The following ITCH variants were observed in gnomAD, a reference collection of about 807,000 sequenced individuals.
ITCH encodes itchy E3 ubiquitin protein ligase.
A neutral mutation model predicts 126.8 loss-of-function variants in ITCH; 28 were observed. The ratio of observed to expected loss-of-function variants is 0.22; its 90% CI spans 0.16 to 0.30. The LOEUF is 0.30. Among genes scored for constraint, ITCH ranks in the 10% least tolerant of loss-of-function variants. ITCH has a pLI of 1.00. For missense variants in ITCH, 631 were observed against 1,032.4 expected, an observed-to-expected ratio of 0.61 and a Z score of 5.33; for synonymous variants, 342 against 340.0, an observed-to-expected ratio of 1.01 and a Z score of -0.06.
intron 16 of ITCH, among the ~76,000 whole-genome samples, chr20:34,474,692 C>T (rs546491894): frequency 1.3e-5 from 2 of 152,320 alleles, no homozygotes; most frequent in Middle Eastern, 3.4e-3. Context: ...ACCTCCCAGA[C>T]GGGGTGGTGG....
At chr20:34,438,010 G>C (rs1239676813) in intron 7 of ITCH, among the ~76,000 whole-genome samples, 1 of 152,152 alleles carries the variant, frequency 6.6e-6, no homozygotes, top group Non-Finnish European at 1.5e-5. Context: ...CTAGTCCCTG[G>C]GAAATACGTG....
chr20:34,507,567 G>T, intron 24 of ITCH, 128 bp from the exon 25 acceptor site: 1 of 725,076 alleles, frequency 1.4e-6, no homozygotes, highest in East Asian at 2.8e-5. Context: ...TCACTTTCTT[G>T]ATGGTATCCT....
intron 16 of ITCH, among the ~76,000 whole-genome samples, chr20:34,472,161 A>G (rs1987694867): frequency 6.6e-6 from 1 of 152,004 alleles, no homozygotes; most frequent in African/African-American, 2.4e-5. Context: ...ACATCACCTG[A>G]GGTCAGGAGT....
At chr20:34,404,786 A>G (rs6087580) in intron 3 of ITCH, among the ~76,000 whole-genome samples, 89,942 of 151,812 alleles carry the variant, frequency 0.59, 28,109 homozygotes, top group African/African-American at 0.79. Context: ...TTGAAATGAC[A>G]TTTACGTGCA....
chr20:34,456,180 GTGTGTATATA>G (rs1330875905), intron 12 of ITCH, among the ~76,000 whole-genome samples: 6 of 44,142 alleles, frequency 1.4e-4, no homozygotes, highest in African/African-American at 9.0e-4. Flanking sequence ...GTGTGTGTGT[GTGTGTATATA>G]TATATATATA....
At position 34,417,703 on chromosome 20, in the gene ITCH, CTTTTT is replaced by C. The variant is rs77967776; in HGVS notation, c.475+3843_475+3847del. ...GCATGAGCCACTGCGCCTGGCCCAG[CTTTTT>C]TTTTTTTTTTTTTTTTTTAAAGGTT... On this transcript the variant is annotated intron_variant, in intron 6 of 24. Coordinates refer to ENST00000374864, the MANE Select transcript of ITCH (RefSeq NM_031483.7). Among the ~76,000 whole-genome samples, 98 of 109,286 alleles carry C rather than the reference CTTTTT, an allele frequency of 9.0e-4. 1 individual carries two copies. The highest frequency in any genetic ancestry group is 1.1e-3 in the South Asian group (4 of 3,678). 71.7% of individuals were successfully genotyped at this position (109,286 alleles called of 152,430 possible).
At chr20:34,370,739 A>G (rs1018648780) in intron 2 of ITCH, among the ~76,000 whole-genome samples, 2 of 152,052 alleles carry the variant, frequency 1.3e-5, no homozygotes, top group Non-Finnish European at 2.9e-5. Flanking sequence ...TGTGAAGGAA[A>G]ACATGAGGAC....
chr20:34,498,233 G>A (rs1486625558), intron 23 of ITCH, among the ~76,000 whole-genome samples: 3 of 152,180 alleles, frequency 2.0e-5, no homozygotes, highest in East Asian at 3.9e-4. Context: ...ATTTTTTATT[G>A]GTGGAGTTTT....
chr20:34,476,333 C>A, intron 16 of ITCH: 2 of 1,256,318 alleles, frequency 1.6e-6, no homozygotes, highest in Non-Finnish European at 1.1e-6. Context: ...CGGCTCGCCT[C>A]CGCGCTCCGG....
chr20:34,486,067 C>T (rs1442285140), intron 20 of ITCH, among the ~76,000 whole-genome samples: 1 of 151,946 alleles, frequency 6.6e-6, no homozygotes, highest in Non-Finnish European at 1.5e-5. Flanking sequence ...CAGGTTGGAG[C>T]GTAGTGGTAG....
intron 16 of ITCH, among the ~76,000 whole-genome samples, chr20:34,472,384 A>AG (rs1199852946): frequency 2.8e-4 from 37 of 129,894 alleles, no homozygotes; most frequent in Non-Finnish European, 5.7e-4. Context: ...AAAAAAAAAA[A>AG]AAAAAAAAAA....
intron 6 of ITCH, among the ~76,000 whole-genome samples, chr20:34,423,040 C>G (rs1314851275): frequency 4.6e-5 from 7 of 152,298 alleles, no homozygotes. Context: ...GGCAATCTGC[C>G]CACCTTGGCC....
intron 21 of ITCH, 70 bp downstream of exon 21, chr20:34,489,456 C>T (rs776373082): frequency 2.5e-5 from 36 of 1,412,232 alleles, no homozygotes; most frequent in Admixed American, 5.0e-5. Flanking sequence ...GCTTTTAACT[C>T]ACTTTCCCAT....
intron 4 of ITCH, among the ~76,000 whole-genome samples, chr20:34,409,014 T>C (rs1225692165): frequency 6.6e-6 from 1 of 151,760 alleles, no homozygotes; most frequent in Non-Finnish European, 1.5e-5. Flanking sequence ...TTCTCTAGTT[T>C]AGTTGGTGAT....
intron 2 of ITCH, 31 bp from the exon 3 acceptor site, chr20:34,393,760 A>T: frequency 1.6e-6 from 2 of 1,247,348 alleles, no homozygotes; most frequent in Non-Finnish European, 2.4e-6. Context: ...GGAATTTTTG[A>T]TGTTTACAGT....
chr20:34,405,134 C>A, intron 3 of ITCH, among the ~76,000 whole-genome samples: 1 of 130,644 alleles, frequency 7.7e-6, no homozygotes, highest in Non-Finnish European at 1.6e-5. Flanking sequence ...AGAACCAGAC[C>A]CTGTCTCAAA....
intron 2 of ITCH, among the ~76,000 whole-genome samples, chr20:34,388,287 G>A (rs960151111): frequency 6.6e-6 from 1 of 151,696 alleles, no homozygotes; most frequent in African/African-American, 2.4e-5. Context: ...TTGTAGAGAT[G>A]GGAGTCTCAC....
At chr20:34,455,913 A>C (rs1049479587) in intron 12 of ITCH, among the ~76,000 whole-genome samples, 2 of 151,862 alleles carry the variant, frequency 1.3e-5, no homozygotes, top group Non-Finnish European at 2.9e-5. Context: ...TAGATGCAGT[A>C]ATTAGAGAAC....
chr20:34,401,972 G>T (rs941090129), intron 3 of ITCH, among the ~76,000 whole-genome samples: 1 of 151,686 alleles, frequency 6.6e-6, no homozygotes, highest in South Asian at 2.1e-4. Context: ...CTAGGGATAC[G>T]GGGGGGCGGC....
Sources: allele counts gnomAD v4.1 joint callset (sites outside exome capture counted in the v4.1 genomes callset), GRCh38; gene constraint gnomAD v4.1.1; transcripts MANE v1.5; gene names NCBI Gene and HGNC (gene_info 2026-07-23, HGNC 2026-07-21).